OR2C3: variants seen among roughly 807,000 people sequenced by gnomAD.
The protein encoded by OR2C3 is olfactory receptor 2C3.
For synonymous variants in OR2C3, 178 were observed against 163.4 expected (o/e 1.09, Z -0.68); for missense variants, 425 against 401.5 (o/e 1.06, Z -0.50).
At position 247,532,152 on chromosome 1, in the gene OR2C3, G is replaced by A; in HGVS notation, c.360C>T (p.Ser120=). 1.9e-6 allele frequency: 3 copies of A among 1,614,108 alleles called. No individual in the cohort carries two copies. The highest frequency in any genetic ancestry group is 2.5e-6 in the Non-Finnish European group (3 of 1,179,998). ...ATECVLLATM[S]YDRYAAICRP... ...TGCAGATGGCAGCGTAGCGGTCATAGGACATGGTGGCCAGCAGGACACACT... is the reference window on the plus strand; with the variant it reads ...TGCAGATGGCAGCGTAGCGGTCATAAGACATGGTGGCCAGCAGGACACACT... The change falls in exon 3 of 3, where the codon TCC becomes TCT. Residue 120 remains serine (S), a synonymous_variant. Transcript: ENST00000641802.
At chr1:247,532,727 G>T in intron 2 of OR2C3, 187 bp from the exon 3 acceptor site, 1 of 567,390 alleles carries the variant, frequency 1.8e-6, no homozygotes, top group African/African-American at 1.9e-5. Context: ...TTCCTTGGTA[G>T]GTTGAGAATA....
rs1187292074 is a variant in OR2C3 at position 247,531,631 on chromosome 1, C to T, written c.881G>A (p.Arg294Lys). Residue 294 changes from arginine to lysine, a missense_variant, in exon 3 of 3, where the codon AGG (arginine) becomes AAG (lysine). Coordinates refer to ENST00000641802, the MANE Select transcript of OR2C3 (RefSeq NM_198074.6). ...GAGGGCGCTCTTCACCTCCGTGTTC[C>T]TCAGGGTGTAAATAAGTGGGTTCAG... is the stretch of plus-strand genomic sequence containing the variant. ...PALNPLIYTLRNTEVKSALRH... is the reference protein window; with the variant it reads ...PALNPLIYTLKNTEVKSALRH... 6.2e-7 allele frequency: 1 copy of T among 1,614,034 alleles called. No individual in the cohort carries two copies. Among genetic ancestry groups the T allele is most frequent in the Non-Finnish European group, 8.5e-7 (1 of 1,180,034 alleles).
Position 247,527,557 on chromosome 1 carries a change from C to G in OR2C3, c.*3992G>C, listed in dbSNP as rs993370580. 6.6e-6 allele frequency: 1 copy of G among 152,422 alleles called. No individual in the cohort carries two copies. 9.4% of individuals were successfully genotyped at this position (152,422 alleles called of 1,614,324 possible). Reference sequence around the variant, plus strand: ...GAGGTTAGGGAAAGTTTTTAGTATTCAGATTGAAGTTTTTCTTCAGATCTT... The same window carrying G: ...GAGGTTAGGGAAAGTTTTTAGTATTGAGATTGAAGTTTTTCTTCAGATCTT... On this transcript the variant is annotated 3_prime_UTR_variant, in exon 3 of 3. Coordinates refer to ENST00000641802, the MANE Select transcript of OR2C3 (RefSeq NM_198074.6). The surrounding 1 kb of genome is among the most constrained non-coding windows in gnomAD (Gnocchi z 4.6).
intron 2 of OR2C3, 140 bp from the exon 3 acceptor site, chr1:247,532,680 T>C: frequency 1.5e-6 from 1 of 673,782 alleles, no homozygotes; most frequent in Non-Finnish European, 2.4e-6. Flanking sequence ...CGGGCTAACT[T>C]CAAACTCTTG....
At chr1:247,535,959 T>C (rs1667201968) in intron 1 of OR2C3, among the ~76,000 whole-genome samples, 1 of 152,236 alleles carries the variant, frequency 6.6e-6, no homozygotes, top group African/African-American at 2.4e-5. Context: ...AAATTTTGTC[T>C]GAGTTAACTA....
rs908580146 is a variant in OR2C3, at chr1:247,533,882, C to T, written c.-401-4G>A. ...AAGGTGAAATTTTCCCTCACTCCTA[C>T]GAAAGCAATCACAGGATTACATTAA... On this transcript the variant is annotated splice_region_variant and splice_polypyrimidine_tract_variant and intron_variant, in intron 1 of 2. Coordinates refer to ENST00000641802, the MANE Select transcript of OR2C3 (RefSeq NM_198074.6). 1 of 152,174 alleles carries T rather than the reference C, an allele frequency of 6.6e-6. No individual in the cohort carries two copies. Among genetic ancestry groups the T allele is most frequent in the Admixed American group, 6.5e-5 (1 of 15,278 alleles). 9.4% of individuals were successfully genotyped at this position (152,174 alleles called of 1,614,324 possible). A position where few individuals can be genotyped will look rare whatever the true frequency, so the allele number is the denominator to read the frequency against.
rs139293334 is a variant in OR2C3, at chr1:247,531,779, G to A, written c.733C>T (p.His245Tyr). Residue 245 changes from histidine to tyrosine, a missense_variant, in exon 3 of 3, where the codon CAC becomes TAC. His to Tyr is a moderately conservative substitution (Grantham distance 83). Coordinates refer to ENST00000641802, the MANE Select transcript of OR2C3 (RefSeq NM_198074.6). ...RRKAFNTCSSHVAVVSLFYGS... is the reference protein window; with the variant it reads ...RRKAFNTCSSYVAVVSLFYGS... ...TAAAACAGAGACACCACAGCCACGT[G>A]GGAAGAACAGGTGTTGAATGCCTTT... 4.8e-5 allele frequency: 77 copies of A among 1,614,162 alleles called. No individual in the cohort carries two copies. The African/African-American group carries it at 9.6e-4, about 20-fold the overall frequency.
intron 1 of OR2C3, among the ~76,000 whole-genome samples, chr1:247,535,336 A>G (rs769029453): frequency 1.3e-5 from 2 of 151,964 alleles, no homozygotes; most frequent in African/African-American, 4.8e-5. Context: ...AAACAAACCA[A>G]TCAGGGAGGT....
chr1:247,534,220 T>C (rs1667126695), intron 1 of OR2C3, among the ~76,000 whole-genome samples: 1 of 152,224 alleles, frequency 6.6e-6, no homozygotes, highest in Non-Finnish European at 1.5e-5. Context: ...CACTAGATCA[T>C]AAATTCCATG....
Position 247,531,988 on chromosome 1 carries a change from A to G in OR2C3, c.524T>C (p.Ile175Thr), listed in dbSNP as rs1277549482. The change falls in exon 3 of 3, where the codon ATC becomes ACC. Residue 175 changes from isoleucine to threonine, a missense_variant. By Grantham distance (89) the Ile-to-Thr change is moderately conservative (BLOSUM62 -1). Transcript: ENST00000641802. ...GGGCATCTCGCAAAAGAAGTGGTCG[A>G]TGCAATTGTTCCCACACAGCGGTAG... is the stretch of plus-strand genomic sequence containing the variant. ...MLLPLCGNNC[I>T]DHFFCEMPLI... 6.2e-7 allele frequency: 1 copy of G among 1,614,024 alleles called. No individual in the cohort carries two copies. Among genetic ancestry groups the G allele is most frequent in the Non-Finnish European group, 8.5e-7 (1 of 1,180,024 alleles).
Position 247,532,136 on chromosome 1 carries a change from C to T in OR2C3, c.376G>A (p.Ala126Thr), listed in dbSNP as rs1268595548. The change falls in exon 3 of 3, where the codon GCC (alanine) becomes ACC (threonine). Residue 126 changes from alanine to threonine, a missense_variant. By Grantham distance (58) the Ala-to-Thr change is moderately conservative. Coordinates refer to ENST00000641802, the MANE Select transcript of OR2C3 (RefSeq NM_198074.6). Reference sequence around the variant, plus strand: ...GTGTAATGGAGTGGCCTGCAGATGGCAGCGTAGCGGTCATAGGACATGGTG... The same window carrying T: ...GTGTAATGGAGTGGCCTGCAGATGGTAGCGTAGCGGTCATAGGACATGGTG... ...LATMSYDRYAAICRPLHYTVI... is the reference protein window; with the variant it reads ...LATMSYDRYATICRPLHYTVI... 1 of 1,613,916 alleles carries T rather than the reference C, an allele frequency of 6.2e-7. No individual in the cohort carries two copies. Among genetic ancestry groups the T allele is most frequent in the African/African-American group, 1.3e-5 (1 of 74,886 alleles).
At position 247,525,154 on chromosome 1, in the gene OR2C3, A is replaced by C. The variant is rs1310583724; in HGVS notation, c.*6395T>G. ...TGTTCTATAAGGAAAAACAAACTAA[A>C]GCGCTTTTTCTATTCTCTCACTCAA... On this transcript the variant is annotated 3_prime_UTR_variant, in exon 3 of 3. Coordinates refer to ENST00000641802, the MANE Select transcript of OR2C3 (RefSeq NM_198074.6). 6.6e-6 allele frequency: 1 copy of C among 152,200 alleles called. No homozygotes were observed. Among genetic ancestry groups the C allele is most frequent in the African/African-American group, 2.4e-5 (1 of 41,454 alleles). 9.4% of individuals were successfully genotyped at this position (152,200 alleles called of 1,614,324 possible).
chr1:247,532,080 C>T lies in OR2C3; in HGVS notation c.432G>A (p.Gly144=). The T allele has an allele frequency of 1.2e-6, 2 of 1,614,110 alleles. No homozygotes were observed. Among genetic ancestry groups the T allele is most frequent in the Non-Finnish European group, 1.7e-6 (2 of 1,179,992 alleles). ...TVIMHPQLCL[G]LALASWLGGL... ...CCCCCAGCCAGGAGGCCAAAGCTAG[C>T]CCAAGGCAAAGCTGTGGATGCATAA... The change falls in exon 3 of 3, where the codon GGG becomes GGA. Residue 144 remains glycine (G), a synonymous_variant. Transcript: ENST00000641802.
In OR2C3 at chr1:247,531,310, A is replaced by C. The variant is rs1666941919; in HGVS notation, c.*239T>G. 1.9e-6 allele frequency: 1 copy of C among 528,690 alleles called. No homozygotes were observed. The highest frequency in any genetic ancestry group is 3.3e-6 in the Non-Finnish European group (1 of 299,918). The allele number at this position is 528,690 out of a possible 1,614,324, so 32.7% of individuals were successfully genotyped here. On this transcript the variant is annotated 3_prime_UTR_variant, in exon 3 of 3. Transcript: ENST00000641802. ...CAAGGAGTTTACAAAACAAGATGAC[A>C]GTCAACATGTGTATATATAGCAAAA...
intron 2 of OR2C3, among the ~76,000 whole-genome samples, chr1:247,533,273 C>G (rs1667082900): frequency 1.3e-5 from 2 of 152,060 alleles, no homozygotes; most frequent in Admixed American, 1.3e-4. Context: ...AAAATGATAC[C>G]CCACCATGAA....
intron 1 of OR2C3, among the ~76,000 whole-genome samples, 180 bp from the exon 2 acceptor site, chr1:247,534,058 C>T (rs1022140271): frequency 6.6e-6 from 1 of 152,156 alleles, no homozygotes; most frequent in African/African-American, 2.4e-5. Flanking sequence ...GAAAAGTCAC[C>T]TTCTGACTGA....
chr1:247,531,517 T>C lies in OR2C3; in HGVS notation c.*32A>G. 3.1e-6 allele frequency: 5 copies of C among 1,596,874 alleles called. No homozygotes were observed. The highest frequency in any genetic ancestry group is 4.3e-6 in the Non-Finnish European group (5 of 1,170,482). ...CAAGGTCACTTTGCTCGATGTAAAC[T>C]TGATCTTCCTTCTCAGAAGGCACTG... On this transcript the variant is annotated 3_prime_UTR_variant, in exon 3 of 3. Transcript: ENST00000641802.
Position 247,531,835 on chromosome 1 carries a change from ACGGCC to A in OR2C3, c.672_676del (p.Ala225ValfsTer44). Reference sequence around the variant, plus strand: ...CCCTTCTGCTGACCTGATCTTCAACACGGCCCGGGCAATGTGGCCGTAAGAGACCA... The same window carrying A: ...CCCTTCTGCTGACCTGATCTTCAACACGGGCAATGTGGCCGTAAGAGACCA... On this transcript the variant is annotated frameshift_variant, in exon 3 of 3. Coordinates refer to ENST00000641802, the MANE Select transcript of OR2C3 (RefSeq NM_198074.6). LOFTEE classifies it low-confidence loss of function (END_TRUNC). The A allele has an allele frequency of 6.2e-7, 1 of 1,614,128 alleles. No individual in the cohort carries two copies. The highest frequency in any genetic ancestry group is 1.1e-5 in the South Asian group (1 of 91,084).
In OR2C3 at chr1:247,532,111, G is replaced by A. The variant is rs138735337; in HGVS notation, c.401C>T (p.Thr134Ile). 2.3e-3 allele frequency: 3,792 copies of A among 1,613,976 alleles called. 7 individuals are homozygous for A. The highest frequency in any genetic ancestry group is 3.1e-3 in the Non-Finnish European group (3,618 of 1,179,982). The change falls in exon 3 of 3, where the codon ACT (threonine) becomes ATT (isoleucine). Residue 134 changes from threonine to isoleucine, a missense_variant. Transcript: ENST00000641802. ...GCAAAGCTGTGGATGCATAATGACA[G>A]TGTAATGGAGTGGCCTGCAGATGGC... Reference protein sequence around the residue: ...YAAICRPLHYTVIMHPQLCLG... With the variant: ...YAAICRPLHYIVIMHPQLCLG...
Sources: gnomAD v4.1 joint callset for allele counts (sites outside exome capture counted in the v4.1 genomes callset) on GRCh38, gnomAD v4.1.1 for gene constraint, Gnocchi (gnomAD v3.1) non-coding constraint, MANE v1.5 for transcripts, NCBI Gene and HGNC (gene_info 2026-07-23, HGNC 2026-07-21) for gene names.